Variants in MACROD2 observed in about 807,000 individuals in gnomAD.
MACROD2 encodes the protein ADP-ribose glycohydrolase MACROD2.
In MACROD2, 36 loss-of-function variants were observed where a neutral mutation model predicts 70.4. The observed-to-expected ratio is 0.51, with a 90% CI of 0.39 to 0.68. The LOEUF is 0.68. Among genes scored for constraint, MACROD2 ranks in the 30% least tolerant of loss-of-function variants. The pLI is 0.00. For synonymous variants in MACROD2, 172 were observed against 178.8 expected (o/e 0.96, Z 0.30); for missense variants, 496 against 538.4 (o/e 0.92, Z 0.78).
At chr20:14,827,692 GA>G (rs1472204784) in intron 5 of MACROD2, among the ~76,000 whole-genome samples, 1,493 of 138,396 alleles carry the variant, frequency 0.011, 20 homozygotes, top group African/African-American at 0.032. Flanking sequence ...CTCCTTGCCA[GA>G]AAAAAAAAAA....
At chr20:15,143,178 T>G (rs1019972330) in intron 5 of MACROD2, among the ~76,000 whole-genome samples, 7 of 152,156 alleles carry the variant, frequency 4.6e-5, no homozygotes, top group African/African-American at 1.4e-4. Flanking sequence ...CACCTGTTGT[T>G]TCCTGACTTT....
intron 5 of MACROD2, among the ~76,000 whole-genome samples, chr20:14,965,193 T>C (rs2327894): frequency 0.24 from 35,952 of 151,982 alleles, 5,893 homozygotes; most frequent in African/African-American, 0.44. Context: ...AAGCAGCTGG[T>C]GTCAGTTTAA....
intron 5 of MACROD2, among the ~76,000 whole-genome samples, chr20:15,190,840 C>T (rs2076565834): frequency 6.6e-6 from 1 of 152,038 alleles, no homozygotes; most frequent in Non-Finnish European, 1.5e-5. Context: ...TGGTACCTTG[C>T]CCTGGGATAA....
At chr20:14,925,482 G>T (rs532912045) in intron 5 of MACROD2, among the ~76,000 whole-genome samples, 1 of 152,226 alleles carries the variant, frequency 6.6e-6, no homozygotes, top group South Asian at 2.1e-4. Context: ...GATTTTAAAA[G>T]GCTGTTACAT....
In MACROD2 at chr20:14,244,916, AGTT is replaced by A. The variant is rs556634348; in HGVS notation, c.271+159195_271+159197del. Among the ~76,000 whole-genome samples the A allele has an allele frequency of 8.5e-5, 13 of 152,336 alleles. No individual in the cohort carries two copies. In the South Asian group the frequency reaches 2.7e-3, roughly 32 times the overall value. On this transcript the variant is annotated intron_variant, in intron 3 of 17. Coordinates refer to ENST00000684519, the MANE Select transcript of MACROD2 (RefSeq NM_001351661.2). Reference sequence around the variant, plus strand: ...GTAGCAAATAAAACCCTAAGCACACAGTTGTTGTTTGGTAAACATTTTGTTTAT... The same window carrying A: ...GTAGCAAATAAAACCCTAAGCACACAGTTGTTTGGTAAACATTTTGTTTAT...
At chr20:14,796,435 A>G (rs913404714) in intron 5 of MACROD2, among the ~76,000 whole-genome samples, 1 of 152,018 alleles carries the variant, frequency 6.6e-6, no homozygotes, top group Non-Finnish European at 1.5e-5. Context: ...TGTTTTTTTC[A>G]CTCAATGTCA....
intron 7 of MACROD2, among the ~76,000 whole-genome samples, chr20:15,458,693 T>C (rs867384597): frequency 8.6e-5 from 13 of 151,382 alleles, no homozygotes; most frequent in African/African-American, 2.9e-4. Flanking sequence ...CAGTACTACC[T>C]GAGATTGTCA....
intron 5 of MACROD2, among the ~76,000 whole-genome samples, chr20:14,933,010 G>T (rs570660895): frequency 7.9e-5 from 12 of 152,112 alleles, no homozygotes; most frequent in African/African-American, 2.9e-4. Context: ...ATATTGTTGA[G>T]ATTTTTAAAT....
At chr20:15,632,200 G>C (rs753694217) in intron 8 of MACROD2, among the ~76,000 whole-genome samples, 1 of 150,996 alleles carries the variant, frequency 6.6e-6, no homozygotes, top group Non-Finnish European at 1.5e-5. Flanking sequence ...TAAAAATAAA[G>C]AATAAAAATA....
intron 8 of MACROD2, among the ~76,000 whole-genome samples, chr20:15,712,341 C>T (rs910380934): frequency 2.0e-5 from 3 of 152,188 alleles, no homozygotes; most frequent in Non-Finnish European, 4.4e-5. Context: ...GCCCACAGGC[C>T]GAATGACCCT....
intron 5 of MACROD2, among the ~76,000 whole-genome samples, chr20:14,843,229 G>A (rs2073105686): frequency 6.7e-6 from 1 of 150,190 alleles, no homozygotes; most frequent in Admixed American, 6.6e-5. Flanking sequence ...TATGACTGGG[G>A]CTAGGAAAGA....
chr20:15,844,922 A>G (rs548582497), intron 8 of MACROD2, among the ~76,000 whole-genome samples: 6 of 152,262 alleles, frequency 3.9e-5, no homozygotes, highest in South Asian at 2.1e-4. Context: ...AAGCATAAAA[A>G]TATGTTGCAA....
At chr20:14,244,227 T>C (rs968628763) in intron 3 of MACROD2, among the ~76,000 whole-genome samples, 1 of 152,148 alleles carries the variant, frequency 6.6e-6, no homozygotes, top group Non-Finnish European at 1.5e-5. Flanking sequence ...ATGACAGAGC[T>C]AGGATTTGAT....
intron 6 of MACROD2, among the ~76,000 whole-genome samples, chr20:15,360,345 A>C (rs2078337405): frequency 6.6e-6 from 1 of 152,112 alleles, no homozygotes; most frequent in African/African-American, 2.4e-5. Context: ...TGAAGATGTA[A>C]ATTTTCATTT....
intron 8 of MACROD2, among the ~76,000 whole-genome samples, chr20:15,821,664 G>A (rs1171013802): frequency 2.0e-5 from 3 of 152,020 alleles, no homozygotes; most frequent in Non-Finnish European, 2.9e-5. Flanking sequence ...CCATGTACAC[G>A]CATCTTTCTT....
chr20:14,256,355 A>C (rs899702711), intron 3 of MACROD2, among the ~76,000 whole-genome samples: 1 of 152,154 alleles, frequency 6.6e-6, no homozygotes, highest in East Asian at 1.9e-4. Context: ...TAACTCTATT[A>C]TATGAATTCT....
intron 3 of MACROD2, among the ~76,000 whole-genome samples, chr20:14,452,971 G>A (rs543348640): frequency 6.6e-6 from 1 of 152,000 alleles, no homozygotes; most frequent in Non-Finnish European, 1.5e-5. Context: ...GTACTGGTTG[G>A]TATCATTTCT....
chr20:15,551,614 C>T (rs1048033025), intron 8 of MACROD2, among the ~76,000 whole-genome samples: 1 of 152,022 alleles, frequency 6.6e-6, no homozygotes, highest in Non-Finnish European at 1.5e-5. Context: ...CGCGGTGGCT[C>T]ACGCCTGTAA....
chr20:14,319,616 C>T (rs544552356), intron 3 of MACROD2, among the ~76,000 whole-genome samples: 2 of 152,264 alleles, frequency 1.3e-5, no homozygotes, highest in African/African-American at 2.4e-5. Flanking sequence ...GCAGACGCTG[C>T]TTTCATAATC....
Sources: gnomAD v4.1 joint callset for allele counts (sites outside exome capture counted in the v4.1 genomes callset) on GRCh38, gnomAD v4.1.1 for gene constraint, MANE v1.5 for transcripts, NCBI Gene and HGNC (gene_info 2026-07-23, HGNC 2026-07-21) for gene names.